SLC10A2: variants seen among roughly 807,000 people sequenced by gnomAD.
The protein encoded by SLC10A2 is ileal sodium/bile acid cotransporter.
In SLC10A2, 34 loss-of-function variants were observed where a neutral mutation model predicts 27.1. The ratio of observed to expected loss-of-function variants is 1.26; its 90% CI spans 0.96 to 1.67. The LOEUF (loss-of-function observed/expected upper bound fraction) is 1.67. Among genes scored for constraint, SLC10A2 ranks in the 40% most tolerant of loss-of-function variants. SLC10A2 has a pLI of 0.00. For synonymous variants in SLC10A2, 205 were observed against 174.0 expected (o/e 1.18, Z -1.40); for missense variants, 530 against 444.4 (o/e 1.19, Z -1.73).
At chr13:103,051,467 A>C (rs1309248547) in intron 3 of SLC10A2, 35 bp from the exon 4 acceptor site, 2 of 1,610,394 alleles carry the variant, frequency 1.2e-6, no homozygotes, top group African/African-American at 2.7e-5. Context: ...CCCAGCAATC[A>C]TGAGTCAAAG....
intron 1 of SLC10A2, among the ~76,000 whole-genome samples, chr13:103,063,794 T>C (rs1876197042): frequency 6.6e-6 from 1 of 152,210 alleles, no homozygotes; most frequent in African/African-American, 2.4e-5. Context: ...GAGTAAGTGA[T>C]ACAGAGACCA....
intron 3 of SLC10A2, 38 bp downstream of exon 3, chr13:103,052,582 A>T (rs746646813): frequency 7.5e-7 from 1 of 1,339,568 alleles, no homozygotes; most frequent in South Asian, 1.2e-5. Context: ...TTTGATTGTC[A>T]CAGTGGAATA....
At position 103,051,240 on chromosome 13, in the gene SLC10A2, T is replaced by A. The variant is rs200857631; in HGVS notation, c.761+17A>T. On this transcript the variant is annotated intron_variant, in intron 4 of 5. Transcript: ENST00000245312. ...TTACAGATTAAAATTCCCAATGTGATTTACTAAATGCCATACCTGTACCAG... is the reference window on the plus strand; with the variant it reads ...TTACAGATTAAAATTCCCAATGTGAATTACTAAATGCCATACCTGTACCAG... 3.1e-6 allele frequency: 5 copies of A among 1,613,016 alleles called. No homozygotes were observed. The highest frequency in any genetic ancestry group is 4.2e-6 in the Non-Finnish European group (5 of 1,179,350).
intron 2 of SLC10A2, 89 bp from the exon 3 acceptor site, chr13:103,052,797 AG>A (rs1299398456): frequency 1.2e-6 from 1 of 821,904 alleles, no homozygotes; most frequent in East Asian, 2.5e-5. Context: ...AAGAAAGATT[AG>A]GTGGTATTTC....
At chr13:103,054,023 C>T (rs187100870) in intron 2 of SLC10A2, among the ~76,000 whole-genome samples, 1 of 152,274 alleles carries the variant, frequency 6.6e-6, no homozygotes, top group East Asian at 1.9e-4. Flanking sequence ...TGTCCCCACC[C>T]ATATCTCATG....
chr13:103,060,933 G>T (rs1320673153), intron 1 of SLC10A2, among the ~76,000 whole-genome samples: 1 of 152,074 alleles, frequency 6.6e-6, no homozygotes, highest in Non-Finnish European at 1.5e-5. Flanking sequence ...CTAACAATGA[G>T]AAATTTTGTT....
chr13:103,052,755 G>A (rs764316977), intron 2 of SLC10A2, 47 bp from the exon 3 acceptor site: 6 of 1,186,258 alleles, frequency 5.1e-6, no homozygotes, highest in South Asian at 1.2e-5. Context: ...AGGTGACACA[G>A]GAAAGAGAAA....
In SLC10A2 at chr13:103,049,456, A is replaced by T. The variant is rs1474729973; in HGVS notation, c.762-10T>A. The T allele has an allele frequency of 6.2e-7, 1 of 1,613,730 alleles. No homozygotes were observed. Among genetic ancestry groups the T allele is most frequent in the South Asian group, 1.1e-5 (1 of 91,070 alleles). ...AGCAACCGTTCGGCACCTAAAGAAG[A>T]TGTTAAGAGAGCACATGTTTTAGTA... On this transcript the variant is annotated splice_polypyrimidine_tract_variant and intron_variant, in intron 4 of 5. Coordinates refer to ENST00000245312, the MANE Select transcript of SLC10A2 (RefSeq NM_000452.3).
intron 1 of SLC10A2, 29 bp from the exon 2 acceptor site, chr13:103,058,411 C>A: frequency 1.6e-6 from 2 of 1,284,122 alleles, no homozygotes; most frequent in Middle Eastern, 1.9e-4. Context: ...ATTGATACAT[C>A]CACCTGTGGT....
Position 103,058,203 on chromosome 13 carries a change from G to A in SLC10A2, c.496+61C>T, listed in dbSNP as rs115452450. 2.9e-3 allele frequency: 2,836 copies of A among 988,078 alleles called. 59 individuals are homozygous for A. In the African/African-American group the frequency reaches 0.04, roughly 14 times the overall value. The allele number at this position is 988,078 out of a possible 1,614,324, so 61.2% of individuals were successfully genotyped here. A position where few individuals can be genotyped will look rare whatever the true frequency, so the allele number is the denominator to read the frequency against. ...GGTGTGAGCCTGGTCTGAGAGCCTAGCAGGGGGTAAGCAGAGAGTTTGAGG... is the reference window on the plus strand; with the variant it reads ...GGTGTGAGCCTGGTCTGAGAGCCTAACAGGGGGTAAGCAGAGAGTTTGAGG... On this transcript the variant is annotated intron_variant, in intron 2 of 5. Transcript: ENST00000245312.
chr13:103,066,263 G>A lies in SLC10A2; in HGVS notation c.-14C>T. The A allele has an allele frequency of 6.3e-7, 1 of 1,590,234 alleles. No homozygotes were observed. Among genetic ancestry groups the A allele is most frequent in the Non-Finnish European group, 8.6e-7 (1 of 1,165,364 alleles). On this transcript the variant is annotated 5_prime_UTR_variant, in exon 1 of 6. Transcript: ENST00000245312. ...CGGATCATTCATTGCTGGGTCTGCT[G>A]CTGGAAAGGCCAAGTCCACAGAAGC...
intron 1 of SLC10A2, among the ~76,000 whole-genome samples, chr13:103,060,381 A>T (rs1319349805): frequency 3.8e-5 from 5 of 131,524 alleles, no homozygotes; most frequent in Middle Eastern, 3.8e-3. Flanking sequence ...TGCTACTACC[A>T]TTTTTTTTTT....
chr13:103,050,808 T>C (rs984556272), intron 4 of SLC10A2, among the ~76,000 whole-genome samples: 1 of 152,194 alleles, frequency 6.6e-6, no homozygotes, highest in African/African-American at 2.4e-5. Context: ...GCAGCTGTTA[T>C]GGATTGATTA....
Position 103,058,368 on chromosome 13 carries a change from G to T in SLC10A2, c.392C>A (p.Thr131Lys). ...GDMDLSVSMTTCSTLLALGMM... is the reference protein window; with the variant it reads ...GDMDLSVSMTKCSTLLALGMM... ...TCCGAGGGCAAGCAGTGTGGAGCAT[G>T]TGGTCATGCTGACGCTGAAAGGCAA... Residue 131 changes from threonine to lysine, a missense_variant, in exon 2 of 6, where the codon ACA becomes AAA. Thr to Lys is a moderately conservative substitution (Grantham distance 78). Transcript: ENST00000245312. 1.2e-6 allele frequency: 2 copies of T among 1,612,314 alleles called. No homozygotes were observed. Among genetic ancestry groups the T allele is most frequent in the Non-Finnish European group, 8.5e-7 (1 of 1,178,356 alleles).
chr13:103,047,923 C>T (rs1049092797), intron 5 of SLC10A2, among the ~76,000 whole-genome samples: 17 of 151,990 alleles, frequency 1.1e-4, no homozygotes, highest in Non-Finnish European at 2.4e-4. Flanking sequence ...CGTTATTATA[C>T]AGAAAACAAG....
chr13:103,050,198 G>T (rs975099416), intron 4 of SLC10A2, among the ~76,000 whole-genome samples: 13 of 152,238 alleles, frequency 8.5e-5, no homozygotes, highest in Admixed American at 2.6e-4. Context: ...AGTCTATAAG[G>T]TAGAAATTAT....
chr13:103,053,081 GGTGTGTGTGTGTGT>G (rs143709540), intron 2 of SLC10A2, among the ~76,000 whole-genome samples: 79 of 145,178 alleles, frequency 5.4e-4, no homozygotes, highest in South Asian at 1.1e-3. Flanking sequence ...AGCTCACCAA[GGTGTGTGTGTGTGT>G]GTGTGTGTGT....
intron 4 of SLC10A2, among the ~76,000 whole-genome samples, chr13:103,050,307 TCTGCCTGA>T (rs1329201332): frequency 6.6e-6 from 1 of 152,164 alleles, no homozygotes; most frequent in Admixed American, 6.5e-5. Context: ...CAAGCCCAGG[TCTGCCTGA>T]CTCAAACACT....
At position 103,066,376 on chromosome 13, in the gene SLC10A2, T is replaced by C; in HGVS notation, c.-127A>G. The C allele has an allele frequency of 9.8e-7, 1 of 1,017,808 alleles. No homozygotes were observed. Among genetic ancestry groups the C allele is most frequent in the Non-Finnish European group, 1.4e-6 (1 of 724,086 alleles). The allele number at this position is 1,017,808 out of a possible 1,614,324, so 63.0% of individuals were successfully genotyped here. A position where few individuals can be genotyped will look rare whatever the true frequency, so the allele number is the denominator to read the frequency against. ...CAAACTTTTAAACCCCTCCTAAAAA[T>C]ATGTCACTTGGTGTCTCTTTTGAAA... is the stretch of plus-strand genomic sequence containing the variant. On this transcript the variant is annotated 5_prime_UTR_variant, in exon 1 of 6. It adds an upstream start codon to the 5' untranslated region. Coordinates refer to ENST00000245312, the MANE Select transcript of SLC10A2 (RefSeq NM_000452.3).
Sources: allele counts gnomAD v4.1 joint callset (sites outside exome capture counted in the v4.1 genomes callset), GRCh38; gene constraint gnomAD v4.1.1; transcripts MANE v1.5; gene names NCBI Gene and HGNC (gene_info 2026-07-23, HGNC 2026-07-21).